Variants in TMEM154 observed in about 807,000 individuals in gnomAD.
TMEM154 encodes the protein transmembrane protein 154.
Under a neutral mutation model 24.5 loss-of-function variants are expected in TMEM154, and 27 were observed. That is an observed-to-expected ratio of 1.10 (90% CI 0.81 to 1.52). The LOEUF is 1.52. Ranked by LOEUF, TMEM154 falls within the 40% of genes most tolerant of loss-of-function variation. The pLI, the probability that TMEM154 is intolerant of heterozygous loss-of-function variation, is 0.00. For synonymous variants in TMEM154, 67 were observed against 76.8 expected (o/e 0.87, Z 0.67); for missense variants, 228 against 213.4 (o/e 1.07, Z -0.43).
At chr4:152,630,062 C>G (rs1256440613) in intron 6 of TMEM154, among the ~76,000 whole-genome samples, 2 of 151,976 alleles carry the variant, frequency 1.3e-5, no homozygotes, top group Admixed American at 1.3e-4. Context: ...AGCTGTCATC[C>G]CAGCTCTTTG....
At chr4:152,629,393 T>C (rs575404085) in intron 6 of TMEM154, among the ~76,000 whole-genome samples, 1 of 152,216 alleles carries the variant, frequency 6.6e-6, no homozygotes, top group South Asian at 2.1e-4. Flanking sequence ...CATCCTGGGG[T>C]GTGAGCAGAC....
At chr4:152,673,260 C>CTT (rs368295158) in intron 1 of TMEM154, among the ~76,000 whole-genome samples, 2 of 147,644 alleles carry the variant, frequency 1.4e-5, no homozygotes, top group African/African-American at 5.0e-5. Flanking sequence ...TCCTTTTTTT[C>CTT]TTTTTTTTTT....
chr4:152,644,164 T>A (rs1379770686), intron 4 of TMEM154, among the ~76,000 whole-genome samples: 1 of 152,216 alleles, frequency 6.6e-6, no homozygotes, highest in African/African-American at 2.4e-5. Context: ...CAGTCAGGAT[T>A]CTTTTCTGAA....
chr4:152,624,336 A>G lies in TMEM154; in HGVS notation c.*4210T>C, dbSNP rs1011429265. ...TAATTCCAGCCAGTTATGGTGGCTC[A>G]CACCTGTAATCCCAGGACTTTTGGA... On this transcript the variant is annotated 3_prime_UTR_variant, in exon 7 of 7. Transcript: ENST00000304385. 4 of 152,202 alleles carry G rather than the reference A, an allele frequency of 2.6e-5. No individual in the cohort carries two copies. Among genetic ancestry groups the G allele is most frequent in the African/African-American group, 9.7e-5 (4 of 41,444 alleles). 9.4% of individuals were successfully genotyped at this position (152,202 alleles called of 1,614,324 possible). A position where few individuals can be genotyped will look rare whatever the true frequency, so the allele number is the denominator to read the frequency against.
intron 1 of TMEM154, among the ~76,000 whole-genome samples, chr4:152,656,039 C>T (rs545321160): frequency 6.6e-6 from 1 of 152,268 alleles, no homozygotes; most frequent in East Asian, 1.9e-4. Flanking sequence ...AGCATTCCTC[C>T]CAGATGCCTG....
At position 152,626,889 on chromosome 4, in the gene TMEM154, G is replaced by C. The variant is rs1343792500; in HGVS notation, c.*1657C>G. ...GTATGCAATTTTGGCATAAATATCT[G>C]AGAGTCACTGTGGGCCATGAGTTGA... On this transcript the variant is annotated 3_prime_UTR_variant, in exon 7 of 7. Coordinates refer to ENST00000304385, the MANE Select transcript of TMEM154 (RefSeq NM_152680.3). 1 of 152,238 alleles carries C rather than the reference G, an allele frequency of 6.6e-6. No individual in the cohort carries two copies. The highest frequency in any genetic ancestry group is 1.5e-5 in the Non-Finnish European group (1 of 68,060). 9.4% of individuals were successfully genotyped at this position (152,238 alleles called of 1,614,324 possible).
chr4:152,676,899 G>A (rs1488671229), intron 1 of TMEM154, among the ~76,000 whole-genome samples: 2 of 152,064 alleles, frequency 1.3e-5, no homozygotes, highest in Non-Finnish European at 2.9e-5. Context: ...ATGGCCTTCA[G>A]CTCTCCCTTC....
At position 152,652,703 on chromosome 4, in the gene TMEM154, G is replaced by T; in HGVS notation, c.289C>A (p.Leu97Ile). Residue 97 changes from leucine (L) to isoleucine (I), a missense_variant, in exon 2 of 7, where the codon CTT (leucine) becomes ATT (isoleucine). Leu to Ile is a conservative substitution (Grantham distance 5). Transcript: ENST00000304385. ...CTTTTTCTTTTATAGTATGTTGCAAGGAATACCACGGATAAAAGTAAGAGG... is the reference window on the plus strand; with the variant it reads ...CTTTTTCTTTTATAGTATGTTGCAATGAATACCACGGATAAAAGTAAGAGG... Reference protein sequence around the residue: ...LVLLLLSVVFLATYYKRKRTK... With the variant: ...LVLLLLSVVFIATYYKRKRTK... The T allele has an allele frequency of 6.2e-7, 1 of 1,613,690 alleles. No individual in the cohort carries two copies. Among genetic ancestry groups the T allele is most frequent in the Non-Finnish European group, 8.5e-7 (1 of 1,179,876 alleles).
rs567593218 is a variant in TMEM154, at chr4:152,676,930, C to T, written c.64+2940G>A. ...CCTTCTGCAACAATTCTGCTTTTAG[C>T]AACTAACAAATCCCATGCTTTTGGT... On this transcript the variant is annotated intron_variant, in intron 1 of 6. Transcript: ENST00000304385. 4.6e-5 allele frequency among the ~76,000 whole-genome samples: 7 copies of T among 152,282 alleles called. 1 individual carries two copies. In the South Asian group the frequency reaches 1.4e-3, roughly 32 times the overall value.
intron 1 of TMEM154, among the ~76,000 whole-genome samples, chr4:152,667,828 G>C (rs573932806): frequency 6.6e-6 from 1 of 152,336 alleles, no homozygotes; most frequent in South Asian, 2.1e-4. Context: ...CTTTTTTCTG[G>C]TTTTGAGGAG....
chr4:152,671,669 C>T (rs2149790787), intron 1 of TMEM154, among the ~76,000 whole-genome samples: 1 of 138,926 alleles, frequency 7.2e-6, no homozygotes, highest in East Asian at 2.1e-4. Context: ...ATGGCGTGAA[C>T]CCGGGAGGCG....
At chr4:152,676,036 GTTC>G (rs1245994271) in intron 1 of TMEM154, among the ~76,000 whole-genome samples, 2 of 149,956 alleles carry the variant, frequency 1.3e-5, no homozygotes, top group African/African-American at 2.5e-5. Context: ...ACATAAGGCT[GTTC>G]TTCTCCTCGC....
chr4:152,671,487 C>T (rs1303529294), intron 1 of TMEM154, among the ~76,000 whole-genome samples: 1 of 152,010 alleles, frequency 6.6e-6, no homozygotes, highest in Non-Finnish European at 1.5e-5. Context: ...GTGGCTCACG[C>T]CTGTAATCCC....
At chr4:152,653,222 T>C (rs1728423933) in intron 1 of TMEM154, among the ~76,000 whole-genome samples, 2 of 152,156 alleles carry the variant, frequency 1.3e-5, no homozygotes, top group South Asian at 4.1e-4. Context: ...AGCTTCCTCA[T>C]GTTAAGGGTG....
Position 152,644,410 on chromosome 4 carries a change from CTT to C in TMEM154, c.392+3_392+4del. 1 of 1,614,136 alleles carries C rather than the reference CTT, an allele frequency of 6.2e-7. No homozygotes were observed. The highest frequency in any genetic ancestry group is 8.5e-7 in the Non-Finnish European group (1 of 1,179,994). ...GGTGGATCAGAAGCAGCAGGGAAAA[CTT>C]ACACTTTCACGTTTTCACTTCCCAG... On this transcript the variant is annotated splice_donor_region_variant and intron_variant, in intron 4 of 6. Coordinates refer to ENST00000304385, the MANE Select transcript of TMEM154 (RefSeq NM_152680.3).
At position 152,652,516 on chromosome 4, in the gene TMEM154, C is replaced by T. The variant is rs747917243; in HGVS notation, c.364+22G>A. The T allele has an allele frequency of 2.8e-5, 45 of 1,612,840 alleles. No homozygotes were observed. The South Asian group carries it at 4.9e-4, about 17-fold the overall frequency. On this transcript the variant is annotated intron_variant, in intron 3 of 6. Coordinates refer to ENST00000304385, the MANE Select transcript of TMEM154 (RefSeq NM_152680.3). ...CTCCAATCCCACCCCCACCTGTAGG[C>T]AGGTTTTAGGATAATACTCACATGT...
intron 6 of TMEM154, among the ~76,000 whole-genome samples, chr4:152,632,401 C>T (rs1027291825): frequency 1.3e-5 from 2 of 152,194 alleles, no homozygotes; most frequent in African/African-American, 4.8e-5. Flanking sequence ...TCAAGCATGA[C>T]ACGCTCCCTG....
At chr4:152,637,120 C>G (rs1055562303) in intron 6 of TMEM154, among the ~76,000 whole-genome samples, 1 of 152,118 alleles carries the variant, frequency 6.6e-6, no homozygotes, top group Non-Finnish European at 1.5e-5. Context: ...TATGGGAACT[C>G]TGTATTTTCT....
At position 152,643,149 on chromosome 4, in the gene TMEM154, G is replaced by A. The variant is rs376264366; in HGVS notation, c.417C>T (p.Pro139=). 1.9e-6 allele frequency: 3 copies of A among 1,611,926 alleles called. No homozygotes were observed. Among genetic ancestry groups the A allele is most frequent in the African/African-American group, 1.3e-5 (1 of 74,942 alleles). The change falls in exon 5 of 7, where the codon CCC becomes CCT. Residue 139 remains proline (P), a synonymous_variant. Coordinates refer to ENST00000304385, the MANE Select transcript of TMEM154 (RefSeq NM_152680.3). Reference sequence around the variant, plus strand: ...CTTCCATTTCAATTTCCATAACAGAGGGTGTATCTTCCTCAAAAATAGGGC... The same window carrying A: ...CTTCCATTTCAATTTCCATAACAGAAGGTGTATCTTCCTCAAAAATAGGGC... ...VKVPIFEEDT[P]SVMEIEMEEL...
Sources: allele counts gnomAD v4.1 joint callset (sites outside exome capture counted in the v4.1 genomes callset), GRCh38; gene constraint gnomAD v4.1.1; transcripts MANE v1.5; gene names NCBI Gene and HGNC (gene_info 2026-07-23, HGNC 2026-07-21).